Variants in GRIA3 observed in about 807,000 individuals in gnomAD.
GRIA3 encodes glutamate ionotropic receptor AMPA type subunit 3, also known as glutamate receptor 3.
In GRIA3, 3 loss-of-function variants were observed where a neutral mutation model predicts 63.0. The ratio of observed to expected loss-of-function variants is 0.05; its 90% CI spans 0.02 to 0.12. The LOEUF (loss-of-function observed/expected upper bound fraction) is 0.12, where lower values mean the gene tolerates loss of function less well. Among genes scored for constraint, GRIA3 ranks in the 10% least tolerant of loss-of-function variants. The pLI is 1.00. For missense variants in GRIA3, 347 were observed against 700.9 expected, an observed-to-expected ratio of 0.50 and a Z score of 5.70; for synonymous variants, 274 against 257.9, an observed-to-expected ratio of 1.06 and a Z score of -0.60.
intron 12 of GRIA3, among the ~76,000 whole-genome samples, chrX:123,463,348 G>A (rs1036581388): frequency 9.3e-6 from 1 of 107,986 alleles, no homozygotes; most frequent in Non-Finnish European, 1.9e-5. Flanking sequence ...AGGAGTTTGA[G>A]ACCAGCCTAG....
At chrX:123,395,383 G>C (rs1360818509) in intron 6 of GRIA3, among the ~76,000 whole-genome samples, 3 of 112,368 alleles carry the variant, frequency 2.7e-5, no homozygotes, top group African/African-American at 9.7e-5. Context: ...AATTTTATTT[G>C]TAATATGCCT....
chrX:123,339,959 C>G (rs1217740983), intron 4 of GRIA3, among the ~76,000 whole-genome samples: 1 of 112,337 alleles, frequency 8.9e-6, no homozygotes, highest in African/African-American at 3.2e-5. Context: ...ATTAAACCAC[C>G]TCCCTTCATT....
In GRIA3 at chrX:123,356,081, C is replaced by T. The variant is rs537225982; in HGVS notation, c.750+1118C>T. Among the ~76,000 whole-genome samples, 24 of 111,449 alleles carry T rather than the reference C, an allele frequency of 2.2e-4. No individual in the cohort carries two copies. In the South Asian group the frequency reaches 8.7e-3, roughly 41 times the overall value. On this transcript the variant is annotated intron_variant, in intron 5 of 15. Transcript: ENST00000620443. ...AGAAATCTTGATTCTTAAATTACAT[C>T]CATATATTTTCAATATGGTTTTTAG...
chrX:123,389,905 A>C (rs1348433649), intron 5 of GRIA3, among the ~76,000 whole-genome samples: 1 of 110,761 alleles, frequency 9.0e-6, no homozygotes, highest in Non-Finnish European at 1.9e-5. Flanking sequence ...ACGAAGTTTC[A>C]CCATGTTAGC....
At chrX:123,323,064 T>C (rs1333513490) in intron 3 of GRIA3, among the ~76,000 whole-genome samples, 1 of 112,075 alleles carries the variant, frequency 8.9e-6, no homozygotes, top group African/African-American at 3.2e-5. Context: ...ACAGCATGAG[T>C]TGTACTTCTT....
chrX:123,375,237 T>C (rs938797346), intron 5 of GRIA3, among the ~76,000 whole-genome samples: 2 of 112,299 alleles, frequency 1.8e-5, no homozygotes, highest in South Asian at 3.7e-4. Context: ...ATGTAACATA[T>C]TGATTAATTT....
chrX:123,293,773 G>A (rs1210359120), intron 3 of GRIA3, among the ~76,000 whole-genome samples: 1 of 110,502 alleles, frequency 9.0e-6, no homozygotes, highest in Non-Finnish European at 1.9e-5. Flanking sequence ...GGCTTACTAT[G>A]TGCCAAGTCC....
At chrX:123,411,181 A>T (rs2045503763) in intron 10 of GRIA3, among the ~76,000 whole-genome samples, 1 of 112,027 alleles carries the variant, frequency 8.9e-6, no homozygotes, top group African/African-American at 3.2e-5. Context: ...TTCCAAAGGA[A>T]ATGTCTGCCA....
intron 3 of GRIA3, among the ~76,000 whole-genome samples, chrX:123,300,360 C>CTTTT (rs147031319): frequency 4.4e-5 from 1 of 22,509 alleles, no homozygotes; most frequent in African/African-American, 1.9e-4. Flanking sequence ...TGGTCCTGGG[C>CTTTT]TTTTTTTTTT....
intron 3 of GRIA3, among the ~76,000 whole-genome samples, chrX:123,267,564 G>A (rs1413941852): frequency 8.9e-6 from 1 of 112,026 alleles, no homozygotes; most frequent in East Asian, 2.8e-4. Flanking sequence ...GAGTAGCATA[G>A]TATTATTTTC....
intron 13 of GRIA3, 48 bp downstream of exon 13, chrX:123,465,160 T>C: frequency 8.9e-7 from 1 of 1,119,180 alleles, no homozygotes; most frequent in Non-Finnish European, 1.2e-6. Context: ...GTATTCCACC[T>C]ACCCTGATGC....
At chrX:123,441,319 G>C (rs182240507) in intron 12 of GRIA3, among the ~76,000 whole-genome samples, 1 of 111,537 alleles carries the variant, frequency 9.0e-6, no homozygotes, top group East Asian at 2.8e-4. Context: ...AAATTTGGGG[G>C]AGAAGGATTT....
intron 2 of GRIA3, among the ~76,000 whole-genome samples, chrX:123,214,916 G>T (rs1928123386): frequency 8.9e-6 from 1 of 111,798 alleles, no homozygotes; most frequent in Admixed American, 9.5e-5. Flanking sequence ...CCAACTCTGT[G>T]AGGGGCTTCA....
intron 2 of GRIA3, among the ~76,000 whole-genome samples, chrX:123,221,988 C>T (rs1016864637): frequency 1.8e-5 from 2 of 111,589 alleles, no homozygotes; most frequent in Non-Finnish European, 3.8e-5. Flanking sequence ...AATGACCACA[C>T]CACTAGTCAT....
intron 3 of GRIA3, among the ~76,000 whole-genome samples, chrX:123,291,745 C>T (rs972788352): frequency 1.8e-5 from 2 of 110,370 alleles, no homozygotes; most frequent in Non-Finnish European, 3.8e-5. Context: ...CCCGCCTCCT[C>T]AATATCAGTT....
chrX:123,396,768 A>G (rs10521720), intron 6 of GRIA3, among the ~76,000 whole-genome samples: 4,671 of 112,268 alleles, frequency 0.042, 197 homozygotes, highest in African/African-American at 0.14. Context: ...CAAGATAAAA[A>G]TATCAAAAGC....
chrX:123,450,194 T>G (rs1018962989), intron 12 of GRIA3, among the ~76,000 whole-genome samples: 1 of 112,293 alleles, frequency 8.9e-6, no homozygotes, highest in Non-Finnish European at 1.9e-5. Context: ...GAAGGCATGA[T>G]CTCTAATGGT....
chrX:123,330,435 T>C (rs964227309), intron 4 of GRIA3, among the ~76,000 whole-genome samples: 2 of 112,250 alleles, frequency 1.8e-5, no homozygotes, highest in East Asian at 2.8e-4. Flanking sequence ...AGTTACTCAT[T>C]AAATAAATAT....
chrX:123,331,073 T>A (rs887314056), intron 4 of GRIA3, among the ~76,000 whole-genome samples: 3 of 112,158 alleles, frequency 2.7e-5, no homozygotes, highest in African/African-American at 9.7e-5. Context: ...TTTCTCTTTA[T>A]TCCATAGAAA....
Sources: gnomAD v4.1 joint callset for allele counts (sites outside exome capture counted in the v4.1 genomes callset) on GRCh38, gnomAD v4.1.1 for gene constraint, MANE v1.5 for transcripts, NCBI Gene and HGNC (gene_info 2026-07-23, HGNC 2026-07-21) for gene names.